EXT1: variants seen among roughly 807,000 people sequenced by gnomAD.
EXT1 encodes exostosin-1.
A neutral mutation model predicts 82.5 loss-of-function variants in EXT1; 20 were observed. The ratio of observed to expected loss-of-function variants is 0.24; its 90% CI spans 0.17 to 0.35. EXT1 has a LOEUF of 0.35. Ranked by LOEUF, EXT1 falls within the 10% of genes least tolerant of loss-of-function variation. The pLI is 1.00. For missense variants in EXT1, 757 were observed against 936.5 expected, an observed-to-expected ratio of 0.81 and a Z score of 2.50; for synonymous variants, 348 against 350.8, an observed-to-expected ratio of 0.99 and a Z score of 0.09.
intron 1 of EXT1, among the ~76,000 whole-genome samples, chr8:117,838,254 T>C (rs958536327): frequency 6.6e-6 from 1 of 152,216 alleles, no homozygotes; most frequent in African/African-American, 2.4e-5. Flanking sequence ...CAGTAGCATA[T>C]GTCACCACCA....
intron 1 of EXT1, among the ~76,000 whole-genome samples, chr8:117,965,356 C>T (rs1391024974): frequency 6.6e-6 from 1 of 151,900 alleles, no homozygotes; most frequent in Non-Finnish European, 1.5e-5. Context: ...AATTAATAAC[C>T]TGGAGTGGAA....
At chr8:117,889,667 CT>C (rs1230168935) in intron 1 of EXT1, among the ~76,000 whole-genome samples, 3 of 152,146 alleles carry the variant, frequency 2.0e-5, no homozygotes, top group South Asian at 2.1e-4. Flanking sequence ...CCTCATATAC[CT>C]GTTTTGATAT....
intron 1 of EXT1, among the ~76,000 whole-genome samples, chr8:117,996,139 T>C (rs2129798778): frequency 6.6e-6 from 1 of 152,228 alleles, no homozygotes; most frequent in East Asian, 1.9e-4. Context: ...TGGTTCCTTC[T>C]CTTAAGACGC....
chr8:118,091,353 G>A (rs111790075), intron 1 of EXT1, among the ~76,000 whole-genome samples: 65 of 152,206 alleles, frequency 4.3e-4, no homozygotes, highest in South Asian at 2.1e-3. Context: ...CTACTATTTC[G>A]AACCTCAAGG....
intron 1 of EXT1, among the ~76,000 whole-genome samples, chr8:117,948,501 C>T (rs1814431597): frequency 6.6e-6 from 1 of 152,156 alleles, no homozygotes; most frequent in African/African-American, 2.4e-5. Flanking sequence ...CTATTTCCCC[C>T]ATAAACTCAT....
intron 1 of EXT1, among the ~76,000 whole-genome samples, chr8:117,986,572 T>A (rs982629410): frequency 2.6e-5 from 4 of 152,226 alleles, no homozygotes; most frequent in African/African-American, 9.6e-5. Context: ...AGACTATCTC[T>A]ATGTGGCCAC....
At chr8:117,829,735 G>C (rs1201574896) in intron 4 of EXT1, among the ~76,000 whole-genome samples, 1 of 151,670 alleles carries the variant, frequency 6.6e-6, no homozygotes, top group Non-Finnish European at 1.5e-5. Context: ...CACCATGCCT[G>C]GCTAATTTTT....
chr8:118,042,050 A>G (rs1198523820), intron 1 of EXT1, among the ~76,000 whole-genome samples: 1 of 152,056 alleles, frequency 6.6e-6, no homozygotes, highest in Non-Finnish European at 1.5e-5. Flanking sequence ...GGCCAGCTGC[A>G]TAAATGAGGA....
intron 1 of EXT1, among the ~76,000 whole-genome samples, chr8:118,107,640 C>T (rs1817823891): frequency 1.3e-5 from 2 of 152,214 alleles, no homozygotes; most frequent in African/African-American, 2.4e-5. Flanking sequence ...GAGCACGACA[C>T]ACGTTGCTTG....
intron 1 of EXT1, among the ~76,000 whole-genome samples, chr8:118,021,159 G>A (rs1210126834): frequency 2.0e-5 from 3 of 152,148 alleles, no homozygotes; most frequent in African/African-American, 7.2e-5. Flanking sequence ...ATTTTTAAAA[G>A]AGGGAGGCTT....
At chr8:117,943,831 G>A (rs1814333948) in intron 1 of EXT1, among the ~76,000 whole-genome samples, 1 of 152,178 alleles carries the variant, frequency 6.6e-6, no homozygotes, top group Non-Finnish European at 1.5e-5. Context: ...CAGTGTGCTG[G>A]TTACTTAGGC....
chr8:118,026,087 G>A (rs919518637), intron 1 of EXT1, among the ~76,000 whole-genome samples: 2 of 152,064 alleles, frequency 1.3e-5, no homozygotes, highest in Admixed American at 6.6e-5. Context: ...GTTACCCAGC[G>A]GTCACCATAA....
At chr8:118,087,431 C>G (rs1357399027) in intron 1 of EXT1, among the ~76,000 whole-genome samples, 7 of 152,142 alleles carry the variant, frequency 4.6e-5, no homozygotes, top group African/African-American at 1.7e-4. Context: ...GATCAGAGCT[C>G]TACAAACCCT....
Position 117,812,930 on chromosome 8 carries a change from T to A in EXT1, c.1664A>T (p.Asn555Ile), listed in dbSNP as rs1392782817. 3.1e-6 allele frequency: 5 copies of A among 1,613,726 alleles called. No homozygotes were observed. In the South Asian group the frequency reaches 3.3e-5, roughly 11 times the overall value. Residue 555 changes from asparagine to isoleucine, a missense_variant, in exon 8 of 11, where the codon AAC becomes ATC. Coordinates refer to ENST00000378204, the MANE Select transcript of EXT1 (RefSeq NM_000127.3). Reference protein sequence around the residue: ...VMSSRFLPYDNIITDAVLSLD... With the variant: ...VMSSRFLPYDIIITDAVLSLD... ...GCTGAGCACGGCGTCTGTGATGATG[T>A]TGTCGTAGGGCAGAAAACGGCTGCT...
At chr8:117,918,406 T>A (rs1813793679) in intron 1 of EXT1, among the ~76,000 whole-genome samples, 2 of 152,212 alleles carry the variant, frequency 1.3e-5, no homozygotes, top group African/African-American at 4.8e-5. Flanking sequence ...TGCACAGATA[T>A]CATGAATGTG....
intron 1 of EXT1, among the ~76,000 whole-genome samples, chr8:117,856,838 G>T (rs1812570834): frequency 6.6e-6 from 1 of 152,170 alleles, no homozygotes; most frequent in African/African-American, 2.4e-5. Context: ...CATAGCTAGG[G>T]AACAGAAATC....
chr8:118,072,156 T>C (rs1586376825), intron 1 of EXT1, among the ~76,000 whole-genome samples: 1 of 152,144 alleles, frequency 6.6e-6, no homozygotes, highest in African/African-American at 2.4e-5. Context: ...CATACCTATC[T>C]CAGAGGTACA....
In EXT1 at chr8:117,799,212, T is replaced by C. The variant is rs567852709; in HGVS notation, c.*500A>G. On this transcript the variant is annotated 3_prime_UTR_variant, in exon 11 of 11. Transcript: ENST00000378204. ...AGTTGAATAATGAAGTTACAACTTATGCTCAGTTATTTCTTGATAATGGGT... is the reference window on the plus strand; with the variant it reads ...AGTTGAATAATGAAGTTACAACTTACGCTCAGTTATTTCTTGATAATGGGT... The C allele has an allele frequency of 1.0e-3, 168 of 167,160 alleles. No homozygotes were observed. Among genetic ancestry groups the C allele is most frequent in the South Asian group, 3.2e-3 (17 of 5,272 alleles). 10.4% of individuals were successfully genotyped at this position (167,160 alleles called of 1,614,324 possible).
At chr8:117,843,243 T>C (rs1340179462) in intron 1 of EXT1, among the ~76,000 whole-genome samples, 4 of 152,210 alleles carry the variant, frequency 2.6e-5, no homozygotes, top group African/African-American at 9.6e-5. Flanking sequence ...ATTAGTTGAA[T>C]GTCTACCATG....
Sources: allele counts gnomAD v4.1 joint callset (sites outside exome capture counted in the v4.1 genomes callset), GRCh38; gene constraint gnomAD v4.1.1; transcripts MANE v1.5; gene names NCBI Gene and HGNC (gene_info 2026-07-23, HGNC 2026-07-21).